ARHGAP44: variants seen among roughly 807,000 people sequenced by gnomAD.
The protein encoded by ARHGAP44 is rho GTPase-activating protein 44.
ARHGAP44 carries 43 observed loss-of-function variants against 106.8 expected under a neutral mutation model. That is an observed-to-expected ratio of 0.40 (90% CI 0.32 to 0.52). ARHGAP44 has a LOEUF of 0.52. ARHGAP44 is among the 20% of genes least tolerant of loss of function. The pLI is 0.48. For missense variants in ARHGAP44, 866 were observed against 1,050.5 expected, an observed-to-expected ratio of 0.82 and a Z score of 2.43; for synonymous variants, 439 against 410.3, an observed-to-expected ratio of 1.07 and a Z score of -0.85.
At chr17:12,956,833 T>A in intron 15 of ARHGAP44, 87 bp downstream of exon 15, 1 of 1,117,592 alleles carries the variant, frequency 8.9e-7, no homozygotes, top group Non-Finnish European at 1.3e-6. Context: ...CAAGTACCAC[T>A]GCCCACAGGC....
rs538899759 is a variant in ARHGAP44 at position 12,902,504 on chromosome 17, A to G, written c.198+5993A>G. Among the ~76,000 whole-genome samples, 15 of 152,330 alleles carry G rather than the reference A, an allele frequency of 9.8e-5. No homozygotes were observed. The South Asian group carries it at 2.7e-3, about 27-fold the overall frequency. On this transcript the variant is annotated intron_variant, in intron 3 of 20. Transcript: ENST00000379672. Reference sequence around the variant, plus strand: ...TTATTTCCATCATTGTGATGGGAGCAGGGATCTTGTGTCCCCATAAGCTCC... The same window carrying G: ...TTATTTCCATCATTGTGATGGGAGCGGGGATCTTGTGTCCCCATAAGCTCC...
At chr17:12,841,594 T>TGTCTCTCTCTCTCTCACACACA (rs1555546085) in intron 1 of ARHGAP44, among the ~76,000 whole-genome samples, 1 of 126,516 alleles carries the variant, frequency 7.9e-6, no homozygotes, top group African/African-American at 3.5e-5. Flanking sequence ...TGTCTCTCTC[T>TGTCTCTCTCTCTCTCACACACA]CACACACACA....
At position 12,958,925 on chromosome 17, in the gene ARHGAP44, C is replaced by T; in HGVS notation, c.1523+28C>T. 1.3e-6 allele frequency: 2 copies of T among 1,587,504 alleles called. No individual in the cohort carries two copies. Among genetic ancestry groups the T allele is most frequent in the Admixed American group, 3.6e-5 (2 of 55,236 alleles). ...ATGAACTGGTGTCTCTTTCTCAGCA[C>T]TGGGGATTAGGGGAGGTGGTGGGGG... On this transcript the variant is annotated intron_variant, in intron 16 of 20. Transcript: ENST00000379672. This position sits in a 1 kb window ranked among gnomAD's most constrained non-coding sequence, Gnocchi z 4.1.
At chr17:12,867,139 T>C (rs1317438809) in intron 1 of ARHGAP44, among the ~76,000 whole-genome samples, 1 of 151,202 alleles carries the variant, frequency 6.6e-6, no homozygotes, top group African/African-American at 2.4e-5. Context: ...TGTTCACCTG[T>C]CACTCACAAG....
intron 1 of ARHGAP44, among the ~76,000 whole-genome samples, chr17:12,890,074 T>C (rs2036996559): frequency 6.6e-6 from 1 of 152,166 alleles, no homozygotes; most frequent in Non-Finnish European, 1.5e-5. Flanking sequence ...GGCTATGTGC[T>C]GGTAGCTCTA....
chr17:12,829,798 G>A (rs898687034), intron 1 of ARHGAP44, among the ~76,000 whole-genome samples: 6 of 151,962 alleles, frequency 3.9e-5, no homozygotes, highest in South Asian at 2.1e-4. Context: ...ATTTAAAATC[G>A]TAGTCCTACT....
chr17:12,851,589 C>G (rs2035742273), intron 1 of ARHGAP44, among the ~76,000 whole-genome samples: 1 of 152,116 alleles, frequency 6.6e-6, no homozygotes. Flanking sequence ...CATGCGCCAC[C>G]ACGCCCAGCT....
intron 1 of ARHGAP44, among the ~76,000 whole-genome samples, chr17:12,876,960 A>T (rs538500302): frequency 9.1e-4 from 138 of 151,762 alleles, no homozygotes; most frequent in African/African-American, 3.2e-3. Context: ...TCCAGGGCTG[A>T]GTCTGATGGG....
intron 1 of ARHGAP44, among the ~76,000 whole-genome samples, chr17:12,817,255 A>T (rs933444882): frequency 2.0e-5 from 3 of 152,110 alleles, no homozygotes; most frequent in African/African-American, 7.2e-5. Context: ...TGTGGGGTGC[A>T]TCTAATGATT....
At position 12,990,609 on chromosome 17, in the gene ARHGAP44, C is replaced by CAGAA. The variant is rs2040107989; in HGVS notation, c.*441_*444dup. The CAGAA allele has an allele frequency of 6.2e-6, 1 of 161,558 alleles. No individual in the cohort carries two copies. The highest frequency in any genetic ancestry group is 1.8e-4 in the South Asian group (1 of 5,712). The allele number at this position is 161,558 out of a possible 1,614,324, so 10.0% of individuals were successfully genotyped here. A position where few individuals can be genotyped will look rare whatever the true frequency, so the allele number is the denominator to read the frequency against. On this transcript the variant is annotated 3_prime_UTR_variant, in exon 21 of 21. Transcript: ENST00000379672. The stretch of plus-strand genomic sequence containing the variant: ...TCTTGCAGGATCAGTTTAATGGCCA[C>CAGAA]AGAAAGGAAGCAGGACAGCAGGGCC...
chr17:12,850,813 C>T (rs950800420), intron 1 of ARHGAP44, among the ~76,000 whole-genome samples: 3 of 152,148 alleles, frequency 2.0e-5, no homozygotes, highest in African/African-American at 7.2e-5. Context: ...GTTCCTGGTA[C>T]GTAGCAGGTG....
chr17:12,857,166 C>T (rs1240133443), intron 1 of ARHGAP44, among the ~76,000 whole-genome samples: 1 of 152,182 alleles, frequency 6.6e-6, no homozygotes, highest in Non-Finnish European at 1.5e-5. Flanking sequence ...CTCCTGGGTG[C>T]TTGTTCATGT....
In ARHGAP44 at chr17:12,960,167, A is replaced by G. The variant is rs939019486; in HGVS notation, c.1523+1270A>G. Reference sequence around the variant, plus strand: ...CAGATGGGAGTTGTTTGTGTGCGCTATGCTGGTGTTTATTGTTCTCCACTT... The same window carrying G: ...CAGATGGGAGTTGTTTGTGTGCGCTGTGCTGGTGTTTATTGTTCTCCACTT... On this transcript the variant is annotated intron_variant, in intron 16 of 20. Coordinates refer to ENST00000379672, the MANE Select transcript of ARHGAP44 (RefSeq NM_014859.6). Among the ~76,000 whole-genome samples the G allele has an allele frequency of 5.3e-5, 8 of 152,210 alleles. No homozygotes were observed. In the South Asian group the frequency reaches 1.2e-3, roughly 24 times the overall value.
At chr17:12,971,944 A>G (rs1476803913) in intron 16 of ARHGAP44, among the ~76,000 whole-genome samples, 2 of 152,056 alleles carry the variant, frequency 1.3e-5, no homozygotes, top group African/African-American at 4.8e-5. Flanking sequence ...GCTAAATCCC[A>G]CCATCCCACC....
chr17:12,887,871 T>G (rs978897186), intron 1 of ARHGAP44, among the ~76,000 whole-genome samples: 4 of 151,878 alleles, frequency 2.6e-5, no homozygotes, highest in African/African-American at 4.8e-5. Flanking sequence ...TTTTTGTTTT[T>G]TTTTTTTTTA....
At chr17:12,956,890 C>CA (rs914220889) in intron 15 of ARHGAP44, 144 bp downstream of exon 15, 146 of 633,242 alleles carry the variant, frequency 2.3e-4, no homozygotes, top group Non-Finnish European at 4.8e-5. Context: ...CACACACACG[C>CA]ATGCAGACAT....
chr17:12,866,513 A>T (rs1435289301), intron 1 of ARHGAP44, among the ~76,000 whole-genome samples: 1 of 152,074 alleles, frequency 6.6e-6, no homozygotes, highest in Non-Finnish European at 1.5e-5. Context: ...AGAGAGAGAG[A>T]GGAAAAAAAA....
chr17:12,845,804 C>T (rs1000135510), intron 1 of ARHGAP44, among the ~76,000 whole-genome samples: 2 of 152,074 alleles, frequency 1.3e-5, no homozygotes, highest in African/African-American at 4.8e-5. Context: ...CAGATATTTA[C>T]AACACACACA....
At chr17:12,859,946 A>T in intron 1 of ARHGAP44, among the ~76,000 whole-genome samples, 1 of 152,170 alleles carries the variant, frequency 6.6e-6, no homozygotes, top group East Asian at 1.9e-4. Flanking sequence ...ATGAAAAAAA[A>T]ATTTACTATG....
Sources: allele counts gnomAD v4.1 joint callset (sites outside exome capture counted in the v4.1 genomes callset), GRCh38; gene constraint gnomAD v4.1.1; non-coding constraint Gnocchi (gnomAD v3.1); transcripts MANE v1.5; gene names NCBI Gene and HGNC (gene_info 2026-07-23, HGNC 2026-07-21).